The following DNAH14 variants were observed in gnomAD, a reference collection of about 807,000 sequenced individuals.
DNAH14 encodes dynein axonemal heavy chain 14.
Under a neutral mutation model 520.9 loss-of-function variants are expected in DNAH14, and 478 were observed. The observed-to-expected ratio is 0.92, with a 90% CI of 0.85 to 0.99. The LOEUF is 0.99. Among genes scored for constraint, DNAH14 ranks in the 50% least tolerant of loss-of-function variants. DNAH14 has a pLI of 0.00. For missense variants in DNAH14, 4,831 were observed against 5,234.5 expected (o/e 0.92, Z 2.38); for synonymous variants, 1,581 against 1,757.2 (o/e 0.90, Z 2.51).
intron 11 of DNAH14, among the ~76,000 whole-genome samples, chr1:225,027,807 A>G (rs1182184667): frequency 6.6e-6 from 1 of 152,038 alleles, no homozygotes; most frequent in Non-Finnish European, 1.5e-5. Context: ...TCCAAACCAT[A>G]TCACCATCTA....
chr1:225,324,545 C>G (rs1023402890), intron 63 of DNAH14, among the ~76,000 whole-genome samples, 192 bp downstream of exon 63: 9 of 152,196 alleles, frequency 5.9e-5, no homozygotes, highest in Admixed American at 2.0e-4. Context: ...TTATTGACAA[C>G]TATGCTAGTA....
chr1:225,349,647 G>T (rs1347460155), intron 71 of DNAH14, among the ~76,000 whole-genome samples: 2 of 152,122 alleles, frequency 1.3e-5, no homozygotes, highest in Admixed American at 6.6e-5. Flanking sequence ...AGTAGGAGTG[G>T]TTGTACTAAT....
intron 25 of DNAH14, among the ~76,000 whole-genome samples, chr1:225,118,396 T>C (rs904480473): frequency 5.9e-5 from 9 of 152,196 alleles, no homozygotes; most frequent in Admixed American, 5.2e-4. Flanking sequence ...TGATCTCTGG[T>C]TTCACTGTGG....
intron 64 of DNAH14, among the ~76,000 whole-genome samples, chr1:225,325,499 AT>A (rs994569426): frequency 5.3e-5 from 8 of 151,232 alleles, no homozygotes; most frequent in South Asian, 2.1e-4. Context: ...AAAAAAAAAA[AT>A]ATCCAACTGT....
chr1:225,061,225 C>T (rs2070042878), intron 17 of DNAH14, among the ~76,000 whole-genome samples: 1 of 152,196 alleles, frequency 6.6e-6, no homozygotes, highest in Non-Finnish European at 1.5e-5. Context: ...AGGTGCCCCT[C>T]CCCTAGCCTC....
chr1:225,390,715 T>C (rs2095898692), intron 83 of DNAH14, among the ~76,000 whole-genome samples: 1 of 152,140 alleles, frequency 6.6e-6, no homozygotes, highest in South Asian at 2.1e-4. Context: ...TCGTGGAGCT[T>C]ACATGGTACT....
rs558570490 is a variant in DNAH14, at chr1:224,941,276, T to G, written c.-33-11394T>G. 2.0e-5 allele frequency among the ~76,000 whole-genome samples: 3 copies of G among 152,306 alleles called. No individual in the cohort carries two copies. The East Asian group carries it at 5.8e-4, about 29-fold the overall frequency. On this transcript the variant is annotated intron_variant, in intron 1 of 85. Transcript: ENST00000682510. ...GCATTTCTCTGATGGCCAGTGATGA[T>G]GAGCATTTTTTCATGTGTCTTTTGG...
At chr1:225,266,605 T>A in intron 48 of DNAH14, 36 bp from the exon 49 acceptor site, 1 of 1,380,044 alleles carries the variant, frequency 7.2e-7, no homozygotes, top group Non-Finnish European at 9.5e-7. Flanking sequence ...AAAGGTGTAC[T>A]AATATATATG....
intron 17 of DNAH14, among the ~76,000 whole-genome samples, chr1:225,078,997 CT>C (rs2072779477): frequency 6.6e-6 from 1 of 151,962 alleles, no homozygotes; most frequent in Non-Finnish European, 1.5e-5. Context: ...CTTCTACAGC[CT>C]ATGGAACTGA....
chr1:225,375,002 G>C, intron 78 of DNAH14, 117 bp downstream of exon 78: 2 of 930,286 alleles, frequency 2.1e-6, no homozygotes, highest in Non-Finnish European at 3.1e-6. Flanking sequence ...GCTTTTAGTA[G>C]CTTTCAGTAG....
chr1:225,254,775 C>T (rs1431269756), intron 44 of DNAH14, among the ~76,000 whole-genome samples: 1 of 152,120 alleles, frequency 6.6e-6, no homozygotes, highest in Non-Finnish European at 1.5e-5. Flanking sequence ...GACTGTGGAC[C>T]TAAGTTTTTC....
chr1:225,058,724 T>C (rs763238592), intron 17 of DNAH14, among the ~76,000 whole-genome samples: 2 of 152,238 alleles, frequency 1.3e-5, no homozygotes, highest in African/African-American at 2.4e-5. Flanking sequence ...GATTCTGGTA[T>C]GTTATGTCTT....
At chr1:225,381,325 T>G in intron 80 of DNAH14, 58 bp from the exon 81 acceptor site, 1 of 1,482,488 alleles carries the variant, frequency 6.7e-7, no homozygotes. Context: ...AGTCCCTCCA[T>G]GTAAAGCCTC....
chr1:225,385,131 A>T (rs913284036), intron 81 of DNAH14, among the ~76,000 whole-genome samples: 2 of 152,230 alleles, frequency 1.3e-5, no homozygotes, highest in African/African-American at 4.8e-5. Context: ...CAAAAACAAC[A>T]TGATTATCTC....
intron 1 of DNAH14, among the ~76,000 whole-genome samples, chr1:224,946,801 A>T (rs1383126443): frequency 6.7e-6 from 1 of 148,654 alleles, no homozygotes; most frequent in African/African-American, 2.5e-5. Flanking sequence ...GGTGTGAGTC[A>T]GGAAATGAAT....
chr1:225,011,264 C>T (rs978272001), intron 10 of DNAH14, among the ~76,000 whole-genome samples: 5 of 152,176 alleles, frequency 3.3e-5, no homozygotes, highest in African/African-American at 1.2e-4. Flanking sequence ...CTAAACACTG[C>T]TTTAGCTGTG....
intron 77 of DNAH14, among the ~76,000 whole-genome samples, chr1:225,373,759 G>T (rs752482590): frequency 6.6e-6 from 1 of 151,966 alleles, no homozygotes; most frequent in African/African-American, 2.4e-5. Context: ...TGCCTGCTTT[G>T]CCTATTCAAA....
chr1:224,981,302 G>C (rs1333384501), intron 8 of DNAH14, among the ~76,000 whole-genome samples: 1 of 152,192 alleles, frequency 6.6e-6, no homozygotes, highest in Non-Finnish European at 1.5e-5. Context: ...TGGCTTCATA[G>C]AATGAATTAG....
chr1:225,034,733 T>TA (rs1357092302), intron 11 of DNAH14, among the ~76,000 whole-genome samples: 11 of 152,200 alleles, frequency 7.2e-5, no homozygotes, highest in Non-Finnish European at 2.9e-5. Flanking sequence ...AGGCTGTTAT[T>TA]ACTGATTCAA....
Sources: allele counts gnomAD v4.1 joint callset (sites outside exome capture counted in the v4.1 genomes callset), GRCh38; gene constraint gnomAD v4.1.1; transcripts MANE v1.5; gene names NCBI Gene and HGNC (gene_info 2026-07-23, HGNC 2026-07-21).